Variants in CNTN5 observed in about 807,000 individuals in gnomAD.
CNTN5 encodes contactin-5.
In CNTN5, 77 loss-of-function variants were observed where a neutral mutation model predicts 129.1. The ratio of observed to expected loss-of-function variants is 0.60; its 90% CI spans 0.50 to 0.72. The LOEUF is 0.72. Ranked by LOEUF, CNTN5 falls within the 30% of genes least tolerant of loss-of-function variation. CNTN5 has a pLI of 0.00. For missense variants in CNTN5, 1,478 were observed against 1,328.8 expected (o/e 1.11, Z -1.75); for synonymous variants, 509 against 465.6 (o/e 1.09, Z -1.20).
At chr11:99,807,776 C>T (rs1946317561) in intron 3 of CNTN5, among the ~76,000 whole-genome samples, 1 of 152,166 alleles carries the variant, frequency 6.6e-6, no homozygotes, top group Admixed American at 6.6e-5. Context: ...TCTCTGTTGG[C>T]ATATCTCTCC....
At chr11:99,589,644 T>C (rs644127) in intron 3 of CNTN5, among the ~76,000 whole-genome samples, 147,308 of 152,296 alleles carry the variant, frequency 0.97, 71,394 homozygotes, top group Non-Finnish European at 1. Context: ...TAAATCATTA[T>C]GCTTTAAATA....
At position 99,408,572 on chromosome 11, in the gene CNTN5, C is replaced by T. The variant is rs557170068; in HGVS notation, c.-71+83088C>T. Among the ~76,000 whole-genome samples the T allele has an allele frequency of 2.6e-5, 4 of 152,058 alleles. No individual in the cohort carries two copies. The South Asian group carries it at 8.3e-4, about 31-fold the overall frequency. ...TGACCTCAAAATCCTGACCGCAAGGCATCCTCCTGCCTCGGCCTCCCAAAG... is the reference window on the plus strand; with the variant it reads ...TGACCTCAAAATCCTGACCGCAAGGTATCCTCCTGCCTCGGCCTCCCAAAG... On this transcript the variant is annotated intron_variant, in intron 2 of 24. Coordinates refer to ENST00000524871, the MANE Select transcript of CNTN5 (RefSeq NM_014361.4).
chr11:99,470,998 C>T (rs753011585), intron 2 of CNTN5, among the ~76,000 whole-genome samples: 1 of 151,966 alleles, frequency 6.6e-6, no homozygotes, highest in Non-Finnish European at 1.5e-5. Flanking sequence ...GTCATTGACA[C>T]TTTCAGGTCT....
intron 3 of CNTN5, among the ~76,000 whole-genome samples, chr11:99,712,720 A>G (rs1955044608): frequency 6.6e-6 from 1 of 151,840 alleles, no homozygotes; most frequent in African/African-American, 2.4e-5. Flanking sequence ...CCCCAATACT[A>G]TTTATTAAAT....
At chr11:99,380,160 T>C (rs1019989979) in intron 2 of CNTN5, among the ~76,000 whole-genome samples, 1 of 151,888 alleles carries the variant, frequency 6.6e-6, no homozygotes, top group Non-Finnish European at 1.5e-5. Context: ...ATAAAGTCAG[T>C]ATTCCTGTGG....
chr11:99,939,781 G>T (rs1426890770), intron 7 of CNTN5, among the ~76,000 whole-genome samples: 1 of 152,010 alleles, frequency 6.6e-6, no homozygotes, highest in Non-Finnish European at 1.5e-5. Flanking sequence ...ATATGATTGA[G>T]TCCTAATTTG....
chr11:99,287,943 A>G (rs539358190), intron 1 of CNTN5, among the ~76,000 whole-genome samples: 13 of 152,094 alleles, frequency 8.5e-5, no homozygotes, highest in African/African-American at 2.4e-4. Flanking sequence ...TGTTGTTCCA[A>G]TTGCGACAAT....
chr11:99,218,524 G>A (rs1285956364), intron 1 of CNTN5, among the ~76,000 whole-genome samples: 2 of 152,050 alleles, frequency 1.3e-5, no homozygotes, highest in African/African-American at 4.8e-5. Flanking sequence ...TGTGAAGATG[G>A]GGGATTATTA....
At chr11:99,236,870 T>G (rs1565426799) in intron 1 of CNTN5, among the ~76,000 whole-genome samples, 1 of 152,144 alleles carries the variant, frequency 6.6e-6, no homozygotes, top group Non-Finnish European at 1.5e-5. Flanking sequence ...GCTCTCGGAG[T>G]CTGCCCAGTG....
At chr11:99,927,993 A>G (rs1157737384) in intron 7 of CNTN5, among the ~76,000 whole-genome samples, 1 of 152,206 alleles carries the variant, frequency 6.6e-6, no homozygotes, top group Non-Finnish European at 1.5e-5. Flanking sequence ...CAGGCATTGG[A>G]TAATTACACC....
At chr11:99,953,089 A>T (rs1591473442) in intron 7 of CNTN5, among the ~76,000 whole-genome samples, 1 of 152,274 alleles carries the variant, frequency 6.6e-6, no homozygotes, top group East Asian at 1.9e-4. Flanking sequence ...AATCACTGTG[A>T]TTACTCATTG....
At chr11:99,783,049 G>A (rs1246404131) in intron 3 of CNTN5, among the ~76,000 whole-genome samples, 2 of 145,322 alleles carry the variant, frequency 1.4e-5, no homozygotes, top group South Asian at 2.3e-4. Flanking sequence ...CTACAAAATG[G>A]GAGAAAATTT....
chr11:99,159,093 T>A (rs1171652865), intron 1 of CNTN5, among the ~76,000 whole-genome samples: 1 of 152,088 alleles, frequency 6.6e-6, no homozygotes, highest in Non-Finnish European at 1.5e-5. Context: ...ACATAAAGCA[T>A]GGAAATAATA....
At chr11:99,900,007 T>C (rs1190459986) in intron 6 of CNTN5, among the ~76,000 whole-genome samples, 1 of 152,008 alleles carries the variant, frequency 6.6e-6, no homozygotes, top group African/African-American at 2.4e-5. Context: ...CTAGGTGTTC[T>C]AGCTTGCGTT....
intron 16 of CNTN5, among the ~76,000 whole-genome samples, chr11:100,243,102 C>A (rs1949775454): frequency 6.6e-6 from 1 of 152,218 alleles, no homozygotes; most frequent in South Asian, 2.1e-4. Context: ...CTACTTTCCA[C>A]CTCACCCTGT....
chr11:99,157,229 A>C (rs1223995780), intron 1 of CNTN5, among the ~76,000 whole-genome samples: 1 of 152,032 alleles, frequency 6.6e-6, no homozygotes, highest in African/African-American at 2.4e-5. Flanking sequence ...TTTTTAAGGG[A>C]AATGTAAGAA....
rs538394356 is a variant in CNTN5 at position 100,257,076 on chromosome 11, C to A, written c.2164+1158C>A. Among the ~76,000 whole-genome samples, 12 of 152,248 alleles carry A rather than the reference C, an allele frequency of 7.9e-5. No homozygotes were observed. In the South Asian group the frequency reaches 2.5e-3, roughly 32 times the overall value. ...GAAATTCTCAACAGTCTGAAGTTGA[C>A]CTGGGATGCTTGAGCTTGGTCAGGG... On this transcript the variant is annotated intron_variant, in intron 17 of 24. Coordinates refer to ENST00000524871, the MANE Select transcript of CNTN5 (RefSeq NM_014361.4).
chr11:99,514,426 G>A (rs1946964638), intron 2 of CNTN5, among the ~76,000 whole-genome samples: 1 of 152,020 alleles, frequency 6.6e-6, no homozygotes, highest in Non-Finnish European at 1.5e-5. Context: ...TGGGCAAAAT[G>A]TTATCAAACA....
chr11:99,089,398 T>C (rs1181069765), intron 1 of CNTN5, among the ~76,000 whole-genome samples: 2 of 152,250 alleles, frequency 1.3e-5, no homozygotes, highest in Admixed American at 1.3e-4. Flanking sequence ...TATTTTATTC[T>C]CATTTAACGC....
Sources: gnomAD v4.1 joint callset for allele counts (sites outside exome capture counted in the v4.1 genomes callset) on GRCh38, gnomAD v4.1.1 for gene constraint, MANE v1.5 for transcripts, NCBI Gene and HGNC (gene_info 2026-07-23, HGNC 2026-07-21) for gene names.